Variants in DCAF10 observed in about 807,000 individuals in gnomAD.
The protein encoded by DCAF10 is DDB1 and CUL4 associated factor 10.
Under a neutral mutation model 51.9 loss-of-function variants are expected in DCAF10, and 19 were observed. That is an observed-to-expected ratio of 0.37 (90% confidence interval 0.26 to 0.54). The LOEUF (loss-of-function observed/expected upper bound fraction) is 0.54. Among genes scored for constraint, DCAF10 ranks in the 20% least tolerant of loss-of-function variants. The probability of loss-of-function intolerance (pLI) is 0.87; values close to 1 mark genes in which losing one functional copy is unlikely to be tolerated. For synonymous variants in DCAF10, 291 were observed against 297.1 expected (o/e 0.98, Z 0.21); for missense variants, 510 against 730.6 (o/e 0.70, Z 3.48).
At position 37,864,886 on chromosome 9, in the gene DCAF10, T is replaced by G. The variant is rs1458934598; in HGVS notation, c.*3378T>G. 6.6e-6 allele frequency: 1 copy of G among 152,012 alleles called. No homozygotes were observed. Among genetic ancestry groups the G allele is most frequent in the East Asian group, 1.9e-4 (1 of 5,170 alleles). 9.4% of individuals were successfully genotyped at this position (152,012 alleles called of 1,614,324 possible). A position where few individuals can be genotyped will look rare whatever the true frequency, so the allele number is the denominator to read the frequency against. ...TAGGTGGAATGAGCCCCAATTTAAT[T>G]TGGAGGTAATAGTGGGTCAGAAAGA... On this transcript the variant is annotated 3_prime_UTR_variant, in exon 7 of 7. Transcript: ENST00000377724.
chr9:37,834,789 A>C (rs1830103527), intron 2 of DCAF10, among the ~76,000 whole-genome samples: 4 of 131,340 alleles, frequency 3.0e-5, no homozygotes, highest in Non-Finnish European at 4.9e-5. Flanking sequence ...TTTCTCAATC[A>C]CGTACTTTTT....
intron 1 of DCAF10, among the ~76,000 whole-genome samples, chr9:37,812,700 C>T (rs1226890396): frequency 6.6e-6 from 1 of 152,182 alleles, no homozygotes; most frequent in Non-Finnish European, 1.5e-5. Context: ...GTGGCATGAA[C>T]ACTGCTCACT....
chr9:37,823,100 C>T (rs1482446215), intron 2 of DCAF10, among the ~76,000 whole-genome samples: 5 of 151,978 alleles, frequency 3.3e-5, no homozygotes, highest in South Asian at 4.1e-4. Context: ...ACACAGAACA[C>T]ATAAAAAAGG....
At chr9:37,833,696 A>C (rs1830066893) in intron 2 of DCAF10, among the ~76,000 whole-genome samples, 1 of 152,200 alleles carries the variant, frequency 6.6e-6, no homozygotes, top group Non-Finnish European at 1.5e-5. Context: ...TCAGAGACAC[A>C]GATTTCAGTG....
intron 1 of DCAF10, among the ~76,000 whole-genome samples, chr9:37,809,439 C>T (rs1829261956): frequency 6.7e-6 from 1 of 149,080 alleles, no homozygotes. Context: ...TAAAAACCAT[C>T]AGAAATACTG....
rs1405540216 is a variant in DCAF10, at chr9:37,800,825, C to A, written c.-42C>A. On this transcript the variant is annotated 5_prime_UTR_variant, in exon 1 of 7. Transcript: ENST00000377724. ...TGAACAGGGGCACTGAGGTGTCGGC[C>A]GGCGGGGCAGTGGCCCGGAGCGGGG... The A allele has an allele frequency of 2.0e-6, 3 of 1,489,704 alleles. No individual in the cohort carries two copies. Among genetic ancestry groups the A allele is most frequent in the East Asian group, 2.5e-5 (1 of 40,352 alleles). The allele number at this position is 1,489,704 out of a possible 1,614,324, so 92.3% of individuals were successfully genotyped here. A position where few individuals can be genotyped will look rare whatever the true frequency, so the allele number is the denominator to read the frequency against.
At chr9:37,802,681 C>G (rs967097035) in intron 1 of DCAF10, among the ~76,000 whole-genome samples, 1 of 152,058 alleles carries the variant, frequency 6.6e-6, no homozygotes, top group Non-Finnish European at 1.5e-5. Context: ...GAAGCGCTTC[C>G]TAATCACACG....
intron 2 of DCAF10, among the ~76,000 whole-genome samples, chr9:37,831,322 A>G (rs1171487264): frequency 1.3e-5 from 2 of 152,206 alleles, no homozygotes; most frequent in Admixed American, 6.5e-5. Flanking sequence ...AATGCTTTCT[A>G]TGTGCCAAAC....
intron 3 of DCAF10, among the ~76,000 whole-genome samples, chr9:37,846,550 A>C (rs1018316972): frequency 6.6e-6 from 1 of 152,012 alleles, no homozygotes; most frequent in African/African-American, 2.4e-5. Flanking sequence ...TCTGCTTCCC[A>C]GGTTCAAGTG....
chr9:37,825,370 C>T (rs1829820356), intron 2 of DCAF10, among the ~76,000 whole-genome samples: 1 of 152,208 alleles, frequency 6.6e-6, no homozygotes, highest in Non-Finnish European at 1.5e-5. Context: ...AGTACATATA[C>T]ACCATGGAAT....
chr9:37,839,359 C>T lies in DCAF10; in HGVS notation c.654-2730C>T, dbSNP rs148047858. 8.0e-4 allele frequency among the ~76,000 whole-genome samples: 122 copies of T among 152,044 alleles called. No individual in the cohort carries two copies. The East Asian group carries it at 0.021, about 26-fold the overall frequency. ...ACAGGCGTGAGCCACTGCGCCCAGCCGATTTTTTTTCATTAAAAATATTTT... is the reference window on the plus strand; with the variant it reads ...ACAGGCGTGAGCCACTGCGCCCAGCTGATTTTTTTTCATTAAAAATATTTT... On this transcript the variant is annotated intron_variant, in intron 2 of 6. Transcript: ENST00000377724.
At position 37,867,495 on chromosome 9, in the gene DCAF10, T is replaced by C. The variant is rs1424722505; in HGVS notation, c.*5987T>C. 2.6e-5 allele frequency: 4 copies of C among 151,722 alleles called. No individual in the cohort carries two copies. The highest frequency in any genetic ancestry group is 5.9e-5 in the Non-Finnish European group (4 of 67,978). 9.4% of individuals were successfully genotyped at this position (151,722 alleles called of 1,614,324 possible). On this transcript the variant is annotated 3_prime_UTR_variant, in exon 7 of 7. Transcript: ENST00000377724. The stretch of plus-strand genomic sequence containing the variant: ...AGGAAATTTGGAGTATTCCAGACAA[T>C]ATACTAGATACCCAGAAACTTTTCT...
At position 37,861,599 on chromosome 9, in the gene DCAF10, A is replaced by G; in HGVS notation, c.*91A>G. The G allele has an allele frequency of 7.9e-6, 12 of 1,511,302 alleles. No homozygotes were observed. The highest frequency in any genetic ancestry group is 2.2e-4 in the Middle Eastern group (1 of 4,524). 93.6% of individuals were successfully genotyped at this position (1,511,302 alleles called of 1,614,324 possible). On this transcript the variant is annotated 3_prime_UTR_variant, in exon 7 of 7. Coordinates refer to ENST00000377724, the MANE Select transcript of DCAF10 (RefSeq NM_024345.5). This position sits in a 1 kb window ranked among gnomAD's most constrained non-coding sequence, Gnocchi z 4.9. Reference sequence around the variant, plus strand: ...AAGTATTTTCTTTTTAGAAGATCTTATAAGTTTGGGTCAAGATCCTGGTTC... The same window carrying G: ...AAGTATTTTCTTTTTAGAAGATCTTGTAAGTTTGGGTCAAGATCCTGGTTC...
intron 3 of DCAF10, among the ~76,000 whole-genome samples, chr9:37,850,135 A>G (rs905187242): frequency 6.6e-6 from 1 of 152,226 alleles, no homozygotes; most frequent in African/African-American, 2.4e-5. Context: ...CTATATAGAA[A>G]ATCTTACAAA....
At chr9:37,830,909 T>C (rs1034368830) in intron 2 of DCAF10, among the ~76,000 whole-genome samples, 1 of 152,212 alleles carries the variant, frequency 6.6e-6, no homozygotes, top group Non-Finnish European at 1.5e-5. Context: ...ATTTTGAAGC[T>C]CGTTTAGAAG....
intron 3 of DCAF10, 56 bp downstream of exon 3, chr9:37,842,342 T>C (rs1042747832): frequency 1.4e-5 from 22 of 1,518,086 alleles, no homozygotes; most frequent in African/African-American, 2.8e-5. Flanking sequence ...TTTTTAAAGA[T>C]GGTGAACAAA....
intron 5 of DCAF10, among the ~76,000 whole-genome samples, chr9:37,859,124 T>C (rs543102117): frequency 1.3e-5 from 2 of 152,362 alleles, no homozygotes; most frequent in African/African-American, 4.8e-5. Flanking sequence ...AGTTTTGTTA[T>C]AGCAGTGTAA....
intron 1 of DCAF10, among the ~76,000 whole-genome samples, chr9:37,808,694 TTTATATATTTATATTTA>T (rs1829221409): frequency 9.1e-6 from 1 of 109,650 alleles, no homozygotes; most frequent in Non-Finnish European, 1.7e-5. Flanking sequence ...TAAATATATA[TTTATATATTTATATTTA>T]TATATAAAAT....
intron 1 of DCAF10, among the ~76,000 whole-genome samples, chr9:37,803,701 T>C (rs1333644716): frequency 6.7e-6 from 1 of 148,536 alleles, no homozygotes; most frequent in African/African-American, 2.5e-5. Context: ...TTAAAGTAAT[T>C]TTACAGATAG....
Sources: allele counts gnomAD v4.1 joint callset (sites outside exome capture counted in the v4.1 genomes callset), GRCh38; gene constraint gnomAD v4.1.1; non-coding constraint Gnocchi (gnomAD v3.1); transcripts MANE v1.5; gene names NCBI Gene and HGNC (gene_info 2026-07-23, HGNC 2026-07-21).